The following SPPL2A variants were observed in gnomAD, a reference collection of about 807,000 sequenced individuals.
The protein encoded by SPPL2A is signal peptide peptidase-like 2A.
A neutral mutation model predicts 63.8 loss-of-function variants in SPPL2A; 51 were observed. The ratio of observed to expected loss-of-function variants is 0.80; its 90% confidence interval spans 0.64 to 1.01. The LOEUF (loss-of-function observed/expected upper bound fraction) is 1.01, where lower values mean the gene tolerates loss of function less well. Among genes scored for constraint, SPPL2A ranks in the 50% least tolerant of loss-of-function variants. The pLI, the probability that SPPL2A is intolerant of heterozygous loss-of-function variation, is 0.00. For missense variants in SPPL2A, 553 were observed against 622.7 expected, an observed-to-expected ratio of 0.89 and a Z score of 1.19; for synonymous variants, 188 against 205.8, an observed-to-expected ratio of 0.91 and a Z score of 0.74.
chr15:50,764,790 T>G (rs963773499), intron 1 of SPPL2A, among the ~76,000 whole-genome samples: 6 of 152,168 alleles, frequency 3.9e-5, no homozygotes, highest in African/African-American at 1.4e-4. Context: ...TTACTTACAT[T>G]TAACCGACGC....
intron 1 of SPPL2A, among the ~76,000 whole-genome samples, chr15:50,764,244 T>C (rs2063038417): frequency 6.6e-6 from 1 of 152,250 alleles, no homozygotes; most frequent in Non-Finnish European, 1.5e-5. Flanking sequence ...TGCATACATC[T>C]ACATACTATC....
chr15:50,716,925 G>T (rs1475811277), intron 14 of SPPL2A, among the ~76,000 whole-genome samples: 1 of 152,086 alleles, frequency 6.6e-6, no homozygotes, highest in Admixed American at 6.6e-5. Flanking sequence ...TCTTTGTGGT[G>T]ATCCAATAGG....
chr15:50,726,784 T>A (rs1033516793), intron 10 of SPPL2A, among the ~76,000 whole-genome samples: 1 of 152,210 alleles, frequency 6.6e-6, no homozygotes, highest in Non-Finnish European at 1.5e-5. Flanking sequence ...AAGAAGATCA[T>A]ACTAAAATCT....
rs2062505000 is a variant in SPPL2A at position 50,705,986 on chromosome 15, A to AGAAT, written c.*1810_*1813dup. The AGAAT allele has an allele frequency of 6.6e-6, 1 of 152,254 alleles. No homozygotes were observed. Among genetic ancestry groups the AGAAT allele is most frequent in the South Asian group, 2.1e-4 (1 of 4,834 alleles). 9.4% of individuals were successfully genotyped at this position (152,254 alleles called of 1,614,324 possible). A position where few individuals can be genotyped will look rare whatever the true frequency, so the allele number is the denominator to read the frequency against. ...GATAATTTGACCTCTGACTTCCAGG[A>AGAAT]GAATGTTCAGGCCACATCTAAAATT... On this transcript the variant is annotated 3_prime_UTR_variant, in exon 15 of 15. Transcript: ENST00000261854.
At chr15:50,753,156 C>G (rs1278413320) in intron 1 of SPPL2A, among the ~76,000 whole-genome samples, 1 of 152,040 alleles carries the variant, frequency 6.6e-6, no homozygotes, top group Non-Finnish European at 1.5e-5. Flanking sequence ...TTTCTAGAAA[C>G]AGAAGATGTC....
At chr15:50,724,302 C>T (rs1029246597) in intron 12 of SPPL2A, among the ~76,000 whole-genome samples, 9 of 152,122 alleles carry the variant, frequency 5.9e-5, no homozygotes, top group Non-Finnish European at 1.3e-4. Flanking sequence ...AAGGAGCCGG[C>T]GCGGTGGCTC....
intron 9 of SPPL2A, 108 bp downstream of exon 9, chr15:50,732,495 A>C (rs1291697264): frequency 1.6e-6 from 1 of 644,134 alleles, no homozygotes; most frequent in African/African-American, 1.8e-5. Context: ...AAATTTTCAT[A>C]AACAGTACGC....
At chr15:50,746,423 C>T (rs1461530089) in intron 5 of SPPL2A, among the ~76,000 whole-genome samples, 3 of 116,812 alleles carry the variant, frequency 2.6e-5, no homozygotes, top group African/African-American at 6.6e-5. Flanking sequence ...GGCAACAGAG[C>T]GAGACTCTGT....
intron 11 of SPPL2A, 147 bp from the exon 12 acceptor site, chr15:50,725,470 G>C (rs953367712): frequency 9.1e-6 from 5 of 551,182 alleles, no homozygotes; most frequent in Non-Finnish European, 1.6e-5. Flanking sequence ...CCCAAGTGGA[G>C]TGCAGTGGCG....
chr15:50,718,976 G>A (rs1410571323), intron 14 of SPPL2A, among the ~76,000 whole-genome samples: 1 of 152,070 alleles, frequency 6.6e-6, no homozygotes, highest in Non-Finnish European at 1.5e-5. Context: ...CTTCATGAAG[G>A]GGTCAGTGCC....
At chr15:50,731,185 G>T in intron 9 of SPPL2A, 146 bp from the exon 10 acceptor site, 1 of 462,174 alleles carries the variant, frequency 2.2e-6, no homozygotes, top group Non-Finnish European at 3.9e-6. Context: ...ACTATGTATA[G>T]TTTTATTCTA....
Position 50,749,760 on chromosome 15 carries a change from A to G in SPPL2A, c.67-14T>C. On this transcript the variant is annotated splice_polypyrimidine_tract_variant and intron_variant, in intron 1 of 14. Coordinates refer to ENST00000261854, the MANE Select transcript of SPPL2A (RefSeq NM_032802.4). ...CTGAGCGGCTGTCTAGGAGACAAAC[A>G]ATAACTTTCAAACTTGCAATGTTAT... 6.6e-7 allele frequency: 1 copy of G among 1,524,556 alleles called. No individual in the cohort carries two copies. The highest frequency in any genetic ancestry group is 9.1e-7 in the Non-Finnish European group (1 of 1,098,404). The allele number at this position is 1,524,556 out of a possible 1,614,324, so 94.4% of individuals were successfully genotyped here.
chr15:50,722,995 C>T (rs1420589590), intron 12 of SPPL2A, among the ~76,000 whole-genome samples: 1 of 152,056 alleles, frequency 6.6e-6, no homozygotes, highest in Non-Finnish European at 1.5e-5. Context: ...AGAAAATGGG[C>T]AAAGGATTTG....
Position 50,703,354 on chromosome 15 carries a change from A to ATTTTTT in SPPL2A, c.*4445_*4446insAAAAAA, listed in dbSNP as rs1393595683. The ATTTTTT allele has an allele frequency of 3.7e-3, 243 of 65,692 alleles. 5 individuals are homozygous for ATTTTTT. The highest frequency in any genetic ancestry group is 4.6e-3 in the Non-Finnish European group (159 of 34,918). 4.1% of individuals were successfully genotyped at this position (65,692 alleles called of 1,614,324 possible). A position where few individuals can be genotyped will look rare whatever the true frequency, so the allele number is the denominator to read the frequency against. The stretch of plus-strand genomic sequence containing the variant: ...TATATATATATATATATACATATAT[A>ATTTTTT]TATTTTTTTTTTTTTTTTTTTTTTT... On this transcript the variant is annotated 3_prime_UTR_variant, in exon 15 of 15. Coordinates refer to ENST00000261854, the MANE Select transcript of SPPL2A (RefSeq NM_032802.4).
chr15:50,748,930 A>G (rs2062882664), intron 2 of SPPL2A, 60 bp from the exon 3 acceptor site: 1 of 1,050,098 alleles, frequency 9.5e-7, no homozygotes, highest in African/African-American at 1.7e-5. Context: ...AAATGCATTC[A>G]GTTATAAATA....
chr15:50,755,309 C>T (rs551529641), intron 1 of SPPL2A, among the ~76,000 whole-genome samples: 153 of 145,962 alleles, frequency 1.0e-3, no homozygotes, highest in Non-Finnish European at 1.7e-3. Flanking sequence ...CAGAACGAGA[C>T]TCTGTCTCAA....
chr15:50,755,435 A>T (rs529105956), intron 1 of SPPL2A, among the ~76,000 whole-genome samples: 1 of 152,184 alleles, frequency 6.6e-6, no homozygotes, highest in South Asian at 2.1e-4. Context: ...AGTCTGGGCA[A>T]TATGGAGAGA....
intron 5 of SPPL2A, 74 bp downstream of exon 5, chr15:50,747,418 ATGT>A (rs1387987250): frequency 2.4e-6 from 3 of 1,263,792 alleles, no homozygotes; most frequent in Non-Finnish European, 1.1e-6. Flanking sequence ...AAATTTTTAA[ATGT>A]TGTTATATAA....
chr15:50,749,781 GT>G (rs777892729), intron 1 of SPPL2A, 35 bp from the exon 2 acceptor site: 1 of 1,290,560 alleles, frequency 7.7e-7, no homozygotes, highest in Non-Finnish European at 1.1e-6. Flanking sequence ...AACTTGCAAT[GT>G]TATGGCTTGC....
Sources: allele counts gnomAD v4.1 joint callset (sites outside exome capture counted in the v4.1 genomes callset), GRCh38; gene constraint gnomAD v4.1.1; transcripts MANE v1.5; gene names NCBI Gene and HGNC (gene_info 2026-07-23, HGNC 2026-07-21).